GRIK3: variants seen among roughly 807,000 people sequenced by gnomAD.
GRIK3 encodes the protein glutamate ionotropic receptor kainate type subunit 3, also known as glutamate receptor ionotropic, kainate 3.
Under a neutral mutation model 102.5 loss-of-function variants are expected in GRIK3, and 29 were observed. The ratio of observed to expected loss-of-function variants is 0.28; its 90% confidence interval spans 0.21 to 0.39. The LOEUF (loss-of-function observed/expected upper bound fraction) is 0.39, where lower values mean the gene tolerates loss of function less well. Ranked by LOEUF, GRIK3 falls within the 10% of genes least tolerant of loss-of-function variation. The probability of loss-of-function intolerance (pLI) is 1.00; values close to 1 mark genes in which losing one functional copy is unlikely to be tolerated. For missense variants in GRIK3, 908 were observed against 1,252.4 expected, an observed-to-expected ratio of 0.73 and a Z score of 4.15; for synonymous variants, 511 against 504.9, an observed-to-expected ratio of 1.01 and a Z score of -0.16.
At chr1:36,987,872 C>A (rs1282506252) in intron 1 of GRIK3, among the ~76,000 whole-genome samples, 1 of 152,118 alleles carries the variant, frequency 6.6e-6, no homozygotes, top group East Asian at 1.9e-4. Context: ...CAACTTTGCA[C>A]AATGATCAGG....
At chr1:37,021,070 A>T (rs1278002299) in intron 1 of GRIK3, among the ~76,000 whole-genome samples, 1 of 151,512 alleles carries the variant, frequency 6.6e-6, no homozygotes, top group Admixed American at 6.6e-5. Flanking sequence ...AAGACTGCAA[A>T]TGTAAAACTT....
intron 9 of GRIK3, among the ~76,000 whole-genome samples, chr1:36,844,812 G>A (rs1270364327): frequency 6.6e-6 from 1 of 152,116 alleles, no homozygotes; most frequent in African/African-American, 2.4e-5. Context: ...TTACTGCAGT[G>A]ACCTTTGCAG....
rs1244051756 is a variant in GRIK3 at position 36,880,904 on chromosome 1, G to A, written c.293-13C>T. On this transcript the variant is annotated splice_polypyrimidine_tract_variant and intron_variant, in intron 2 of 15. Transcript: ENST00000373091. This position sits in a 1 kb window ranked among gnomAD's most constrained non-coding sequence, Gnocchi z 5.4. The stretch of plus-strand genomic sequence containing the variant: ...AGCTGGTCACAGGCTGCAACAGAGG[G>A]TAGGGCAGCACAGGGGTCAGCACTG... 5 of 1,593,316 alleles carry A rather than the reference G, an allele frequency of 3.1e-6. No individual in the cohort carries two copies. The highest frequency in any genetic ancestry group is 4.3e-6 in the Non-Finnish European group (5 of 1,169,348).
chr1:36,810,622 G>A (rs1246516898), intron 13 of GRIK3, among the ~76,000 whole-genome samples: 1 of 152,220 alleles, frequency 6.6e-6, no homozygotes, highest in East Asian at 1.9e-4. Context: ...TTCAGAGAAT[G>A]TGTGCAGAGA....
chr1:36,946,797 C>G (rs1261998735), intron 1 of GRIK3, among the ~76,000 whole-genome samples: 2 of 152,066 alleles, frequency 1.3e-5, no homozygotes, highest in Admixed American at 1.3e-4. Flanking sequence ...AGATGCAAAC[C>G]CTATTCTGTG....
At chr1:36,915,042 C>A (rs1451383360) in intron 1 of GRIK3, among the ~76,000 whole-genome samples, 2 of 152,214 alleles carry the variant, frequency 1.3e-5, no homozygotes, top group Non-Finnish European at 2.9e-5. Flanking sequence ...CAAAGGAATT[C>A]TGAGCGACCT....
At chr1:36,810,726 G>T (rs1028740866) in intron 13 of GRIK3, among the ~76,000 whole-genome samples, 2 of 152,238 alleles carry the variant, frequency 1.3e-5, no homozygotes, top group African/African-American at 4.8e-5. Flanking sequence ...TTATCTCTGA[G>T]TGTGGAATCT....
intron 3 of GRIK3, among the ~76,000 whole-genome samples, chr1:36,873,310 G>A (rs947291472): frequency 2.6e-5 from 4 of 152,148 alleles, no homozygotes; most frequent in Admixed American, 6.5e-5. Flanking sequence ...CTTGGTTGGC[G>A]TTTTTGTAAA....
In GRIK3 at chr1:36,943,645, A is replaced by G. The variant is rs188242324; in HGVS notation, c.116-52549T>C. Among the ~76,000 whole-genome samples the G allele has an allele frequency of 9.8e-5, 15 of 152,374 alleles. No homozygotes were observed. In the East Asian group the frequency reaches 2.9e-3, roughly 29 times the overall value. ...GAACCAGAAAACTCCTGACAAAAGT[A>G]GACAATAAATGAGCAAATAAATAAA... On this transcript the variant is annotated intron_variant, in intron 1 of 15. Transcript: ENST00000373091.
intron 1 of GRIK3, among the ~76,000 whole-genome samples, chr1:36,967,490 C>T (rs1231459083): frequency 4.6e-5 from 7 of 152,174 alleles, no homozygotes; most frequent in African/African-American, 1.7e-4. Context: ...ATCTGTGTCT[C>T]TATGGAAACA....
At chr1:36,866,461 A>G (rs1022950024) in intron 5 of GRIK3, among the ~76,000 whole-genome samples, 1 of 152,210 alleles carries the variant, frequency 6.6e-6, no homozygotes, top group Non-Finnish European at 1.5e-5. Context: ...CCACGTTTCT[A>G]TAAAACTGGG....
rs1365406066 is a variant in GRIK3 at position 36,872,796 on chromosome 1, C to T, written c.551-427G>A. 1.3e-5 allele frequency among the ~76,000 whole-genome samples: 2 copies of T among 152,214 alleles called. No homozygotes were observed. The highest frequency in any genetic ancestry group is 1.5e-5 in the Non-Finnish European group (1 of 68,036). On this transcript the variant is annotated intron_variant, in intron 3 of 15. Transcript: ENST00000373091. This position sits in a 1 kb window ranked among gnomAD's most constrained non-coding sequence, Gnocchi z 5.9. The stretch of plus-strand genomic sequence containing the variant: ...TAAATCAGAGTTCACCCCTCTTCTT[C>T]TGTACCCACCCCCAACATTGTGAGA...
chr1:36,994,168 C>T (rs2124012118), intron 1 of GRIK3, among the ~76,000 whole-genome samples: 1 of 152,274 alleles, frequency 6.6e-6, no homozygotes, highest in Non-Finnish European at 1.5e-5. Flanking sequence ...TCAGGGTTAC[C>T]CCCTTTTCCA....
Position 36,805,217 on chromosome 1 carries a change from T to A in GRIK3, c.2335A>T (p.Ile779Phe), listed in dbSNP as rs1642485955. The A allele has an allele frequency of 1.2e-6, 2 of 1,612,496 alleles. No individual in the cohort carries two copies. The highest frequency in any genetic ancestry group is 1.7e-5 in the Admixed American group (1 of 59,954). ...TGAAGCTGCAGGATGGCGATGGTGATCTTGTCCCGGTATGGGGAGCCTGAG... is the reference window on the plus strand; with the variant it reads ...TGAAGCTGCAGGATGGCGATGGTGAACTTGTCCCGGTATGGGGAGCCTGAG... ...TPMGSPYRDK[I>F]TIAILQLQEE... The change falls in exon 15 of 16, where the codon ATC becomes TTC. Residue 779 changes from isoleucine to phenylalanine, a missense_variant. By Grantham distance (21) the Ile-to-Phe change is conservative (BLOSUM62 0). Coordinates refer to ENST00000373091, the MANE Select transcript of GRIK3 (RefSeq NM_000831.4).
rs369286873 is a variant in GRIK3, at chr1:36,806,201, C to T, written c.2217G>A (p.Glu739=). 6.2e-7 allele frequency: 1 copy of T among 1,614,164 alleles called. No homozygotes were observed. The highest frequency in any genetic ancestry group is 1.7e-5 in the Admixed American group (1 of 60,030). ...GCGTGACGTACTCGATGGTGGTGGA[C>T]TCCATGAGCAGCGCGTAGTCGGCCG... ...ALTADYALLM[E]STTIEYVTQR... Residue 739 remains glutamate (E), a synonymous_variant, in exon 14 of 16, where the codon GAG becomes GAA. Coordinates refer to ENST00000373091, the MANE Select transcript of GRIK3 (RefSeq NM_000831.4). The surrounding 1 kb of genome is among the most constrained non-coding windows in gnomAD (Gnocchi z 4.0).
At chr1:36,950,552 G>C (rs1216895099) in intron 1 of GRIK3, among the ~76,000 whole-genome samples, 2 of 152,202 alleles carry the variant, frequency 1.3e-5, no homozygotes, top group African/African-American at 2.4e-5. Context: ...AAGCTGGAAT[G>C]GCCTTTGGAC....
intron 13 of GRIK3, among the ~76,000 whole-genome samples, chr1:36,811,315 G>T (rs1374179809): frequency 6.6e-6 from 1 of 152,138 alleles, no homozygotes; most frequent in African/African-American, 2.4e-5. Context: ...TGCTGACAGG[G>T]TCCAGGCAGG....
In GRIK3 at chr1:36,830,364, CCA is replaced by C. The variant is rs202105673; in HGVS notation, c.1531-4540_1531-4539del. Among the ~76,000 whole-genome samples, 1,374 of 149,142 alleles carry C rather than the reference CCA, an allele frequency of 9.2e-3. 9 individuals are homozygous for C. The highest frequency in any genetic ancestry group is 0.014 in the Non-Finnish European group (939 of 66,444). ...ATGTAGTGGATTGAATTATGCCCCC[CCA>C]CCCCCAATTATGTGCAAATCCTAAC... On this transcript the variant is annotated intron_variant, in intron 10 of 15. Coordinates refer to ENST00000373091, the MANE Select transcript of GRIK3 (RefSeq NM_000831.4).
At chr1:36,846,780 C>T (rs948359988) in intron 9 of GRIK3, among the ~76,000 whole-genome samples, 2 of 152,232 alleles carry the variant, frequency 1.3e-5, no homozygotes, top group Non-Finnish European at 2.9e-5. Flanking sequence ...CTTTTGGGAA[C>T]ATTCTCTGGA....
Sources: allele counts gnomAD v4.1 joint callset (sites outside exome capture counted in the v4.1 genomes callset), GRCh38; gene constraint gnomAD v4.1.1; non-coding constraint Gnocchi (gnomAD v3.1); transcripts MANE v1.5; gene names NCBI Gene and HGNC (gene_info 2026-07-23, HGNC 2026-07-21).